Variants in RNF150 observed in about 807,000 individuals in gnomAD.
RNF150 encodes ring finger protein 150.
In RNF150, 24 loss-of-function variants were observed where a neutral mutation model predicts 39.3. That is an observed-to-expected ratio of 0.61 (90% CI 0.44 to 0.86). The LOEUF is 0.86. Ranked by LOEUF, RNF150 falls within the 40% of genes least tolerant of loss-of-function variation. The probability of loss-of-function intolerance (pLI) is 0.00; values close to 1 mark genes in which losing one functional copy is unlikely to be tolerated. For missense variants in RNF150, 502 were observed against 587.8 expected (o/e 0.85, Z 1.51); for synonymous variants, 255 against 227.3 (o/e 1.12, Z -1.10).
chr4:141,185,568 T>A (rs1727992866), intron 1 of RNF150, among the ~76,000 whole-genome samples: 1 of 152,192 alleles, frequency 6.6e-6, no homozygotes, highest in Non-Finnish European at 1.5e-5. Flanking sequence ...AATACTATGT[T>A]TAATAGGAGT....
intron 1 of RNF150, among the ~76,000 whole-genome samples, chr4:141,001,513 T>C (rs1182957337): frequency 6.6e-6 from 1 of 152,070 alleles, no homozygotes; most frequent in Non-Finnish European, 1.5e-5. Context: ...GAATGACAGG[T>C]GGTCTTTGGG....
intron 5 of RNF150, among the ~76,000 whole-genome samples, chr4:140,921,803 G>A (rs1423599941): frequency 6.6e-6 from 1 of 152,134 alleles, no homozygotes; most frequent in South Asian, 2.1e-4. Flanking sequence ...GGGATGCAAG[G>A]CTGGTTCAAC....
At chr4:141,148,595 C>T (rs1213592193) in intron 1 of RNF150, among the ~76,000 whole-genome samples, 1 of 152,100 alleles carries the variant, frequency 6.6e-6, no homozygotes. Context: ...CATGCACTAC[C>T]ATACCCGGCT....
At chr4:141,172,102 G>C (rs553088834) in intron 1 of RNF150, among the ~76,000 whole-genome samples, 1 of 152,158 alleles carries the variant, frequency 6.6e-6, no homozygotes, top group South Asian at 2.1e-4. Flanking sequence ...ACAGCAATAG[G>C]GTTTTATTTT....
intron 1 of RNF150, among the ~76,000 whole-genome samples, chr4:141,110,156 G>C (rs1355897278): frequency 1.3e-5 from 2 of 152,142 alleles, no homozygotes; most frequent in African/African-American, 4.8e-5. Flanking sequence ...CACTGAAAAT[G>C]CAGGGGAACA....
chr4:141,163,540 T>C (rs558330103), intron 1 of RNF150, among the ~76,000 whole-genome samples: 1 of 152,246 alleles, frequency 6.6e-6, no homozygotes, highest in Admixed American at 6.5e-5. Context: ...TGACAGACAC[T>C]TCATACAGGA....
At chr4:141,098,906 C>T (rs1353723136) in intron 1 of RNF150, among the ~76,000 whole-genome samples, 1 of 152,124 alleles carries the variant, frequency 6.6e-6, no homozygotes. Context: ...GTTCTGAAAG[C>T]ATGTCTAATT....
chr4:141,143,726 G>GT (rs1161504414), intron 1 of RNF150, among the ~76,000 whole-genome samples: 2 of 151,940 alleles, frequency 1.3e-5, no homozygotes, highest in Admixed American at 1.3e-4. Flanking sequence ...TTTTTGTTTT[G>GT]TTTTTTTCAG....
intron 1 of RNF150, among the ~76,000 whole-genome samples, chr4:141,175,941 G>C (rs1210077533): frequency 1.3e-5 from 2 of 152,052 alleles, no homozygotes; most frequent in Non-Finnish European, 2.9e-5. Context: ...CTTAAGTGCA[G>C]AGGTGCGATC....
chr4:141,186,964 C>T (rs997668087), intron 1 of RNF150, among the ~76,000 whole-genome samples: 2 of 152,172 alleles, frequency 1.3e-5, no homozygotes, highest in Admixed American at 6.5e-5. Flanking sequence ...GATTATAGAT[C>T]TTTCCCACTT....
At chr4:141,021,015 A>G (rs1735470233) in intron 1 of RNF150, among the ~76,000 whole-genome samples, 1 of 152,204 alleles carries the variant, frequency 6.6e-6, no homozygotes, top group South Asian at 2.1e-4. Flanking sequence ...TCAATTCCAA[A>G]CACACATGGG....
At chr4:141,092,170 C>A (rs370448088) in intron 1 of RNF150, among the ~76,000 whole-genome samples, 5 of 152,188 alleles carry the variant, frequency 3.3e-5, no homozygotes, top group African/African-American at 9.6e-5. Flanking sequence ...ATGGCAAAAC[C>A]CTGTCTCTAT....
At chr4:140,905,351 T>C (rs1730335001) in intron 6 of RNF150, among the ~76,000 whole-genome samples, 1 of 152,182 alleles carries the variant, frequency 6.6e-6, no homozygotes, top group Non-Finnish European at 1.5e-5. Flanking sequence ...TCTCTTGCAC[T>C]TTCATGGGAC....
intron 1 of RNF150, among the ~76,000 whole-genome samples, chr4:141,100,714 G>A (rs1578729975): frequency 6.6e-6 from 1 of 152,172 alleles, no homozygotes; most frequent in East Asian, 1.9e-4. Flanking sequence ...GGTGTCCTGA[G>A]CCAATTTCAT....
At chr4:141,125,739 C>G (rs1213070867) in intron 1 of RNF150, among the ~76,000 whole-genome samples, 1 of 152,114 alleles carries the variant, frequency 6.6e-6, no homozygotes, top group Non-Finnish European at 1.5e-5. Context: ...TAAGAAGCTC[C>G]AGGTTCTTTC....
At chr4:140,875,640 C>G (rs375732750) in intron 6 of RNF150, among the ~76,000 whole-genome samples, 1 of 152,086 alleles carries the variant, frequency 6.6e-6, no homozygotes, top group African/African-American at 2.4e-5. Flanking sequence ...GGCTAAGAAC[C>G]GTTCACTTAA....
At chr4:141,032,447 C>T (rs1044027073) in intron 1 of RNF150, among the ~76,000 whole-genome samples, 1 of 152,100 alleles carries the variant, frequency 6.6e-6, no homozygotes, top group Non-Finnish European at 1.5e-5. Context: ...TCACCACACT[C>T]GCATGTACAT....
chr4:140,883,755 T>C (rs1245913562), intron 6 of RNF150, among the ~76,000 whole-genome samples: 1 of 152,214 alleles, frequency 6.6e-6, no homozygotes, highest in Non-Finnish European at 1.5e-5. Context: ...TGTGTCTCAG[T>C]GTAGACCTCT....
rs201580971 is a variant in RNF150, at chr4:140,945,676, GTAAA to G, written c.890+1974_890+1977del. 9.4e-3 allele frequency among the ~76,000 whole-genome samples: 1,393 copies of G among 148,566 alleles called. 12 individuals carry two copies. Among genetic ancestry groups the G allele is most frequent in the Middle Eastern group, 0.021 (6 of 280 alleles). ...AAATTTATTCATGACAGAGCTTTAA[GTAAA>G]TAAACTATTTTATACTGTATCAATT... On this transcript the variant is annotated intron_variant, in intron 4 of 6. Coordinates refer to ENST00000515673, the MANE Select transcript of RNF150 (RefSeq NM_020724.2).
Sources: allele counts gnomAD v4.1 joint callset (sites outside exome capture counted in the v4.1 genomes callset), GRCh38; gene constraint gnomAD v4.1.1; transcripts MANE v1.5; gene names NCBI Gene and HGNC (gene_info 2026-07-23, HGNC 2026-07-21).